Variants in SEC14L1 observed in about 807,000 individuals in gnomAD.
SEC14L1 encodes the protein SEC14-like protein 1.
In SEC14L1, 48 loss-of-function variants were observed where a neutral mutation model predicts 85.3. That is an observed-to-expected ratio of 0.56 (90% CI 0.45 to 0.72). SEC14L1 has a LOEUF of 0.72. Ranked by LOEUF, SEC14L1 falls within the 30% of genes least tolerant of loss-of-function variation. The pLI is 0.00. For missense variants in SEC14L1, 682 were observed against 921.4 expected, an observed-to-expected ratio of 0.74 and a Z score of 3.36; for synonymous variants, 391 against 355.5, an observed-to-expected ratio of 1.10 and a Z score of -1.12.
chr17:77,134,713 C>T (rs759980720), intron 3 of SEC14L1, among the ~76,000 whole-genome samples: 2 of 152,084 alleles, frequency 1.3e-5, no homozygotes, highest in East Asian at 1.9e-4. Context: ...CCTGGGTGAC[C>T]GAGCAAAACT....
intron 13 of SEC14L1, 80 bp from the exon 14 acceptor site, chr17:77,209,261 GA>G: frequency 1.9e-6 from 3 of 1,540,228 alleles, no homozygotes; most frequent in Non-Finnish European, 2.7e-6. Context: ...AGTGCAGGGG[GA>G]TAGTGCTGGC....
At position 77,215,456 on chromosome 17, in the gene SEC14L1, C is replaced by G. The variant is rs1036848706; in HGVS notation, c.*1433C>G. The G allele has an allele frequency of 1.3e-5, 13 of 985,566 alleles. No homozygotes were observed. The highest frequency in any genetic ancestry group is 1.6e-5 in the Non-Finnish European group (13 of 830,044). 61.1% of individuals were successfully genotyped at this position (985,566 alleles called of 1,614,324 possible). On this transcript the variant is annotated 3_prime_UTR_variant, in exon 17 of 17. Coordinates refer to ENST00000436233, the MANE Select transcript of SEC14L1 (RefSeq NM_001143998.2). The stretch of plus-strand genomic sequence containing the variant: ...AGATCCTGGTTGTGCCGTCTCAGCT[C>G]CGCTCTGAAGGCACTGTGTGGGTGC...
rs1254638220 is a variant in SEC14L1 at position 77,198,576 on chromosome 17, CTTTT to C, written c.820-1895_820-1892del. 1.1e-3 allele frequency among the ~76,000 whole-genome samples: 161 copies of C among 141,868 alleles called. 1 individual carries two copies. Among genetic ancestry groups the C allele is most frequent in the African/African-American group, 3.6e-3 (140 of 38,882 alleles). The allele number at this position is 141,868 out of a possible 152,430, so 93.1% of individuals were successfully genotyped here. A position where few individuals can be genotyped will look rare whatever the true frequency, so the allele number is the denominator to read the frequency against. The stretch of plus-strand genomic sequence containing the variant: ...ATCTGAATTCTGGTGTATGAGATCT[CTTTT>C]TTTTTTTTTTTTGAGACGGAGTCTC... On this transcript the variant is annotated intron_variant, in intron 8 of 16. Transcript: ENST00000436233.
intron 3 of SEC14L1, among the ~76,000 whole-genome samples, chr17:77,126,297 A>G (rs1191939660): frequency 6.6e-6 from 1 of 152,268 alleles, no homozygotes; most frequent in African/African-American, 2.4e-5. Flanking sequence ...GATGAAGATC[A>G]TCGTGATGCT....
chr17:77,091,529 C>A (rs1971516879), intron 2 of SEC14L1, among the ~76,000 whole-genome samples: 1 of 152,182 alleles, frequency 6.6e-6, no homozygotes, highest in South Asian at 2.1e-4. Flanking sequence ...TTTATGCTAT[C>A]CAGAGCAGCC....
chr17:77,203,505 T>TA, intron 9 of SEC14L1, 65 bp from the exon 10 acceptor site: 1 of 1,383,910 alleles, frequency 7.2e-7, no homozygotes, highest in Non-Finnish European at 1.0e-6. Flanking sequence ...TTAAGGGTCT[T>TA]AGAGTTGTAT....
At chr17:77,152,913 C>T (rs72882061) in intron 3 of SEC14L1, among the ~76,000 whole-genome samples, 12,747 of 152,072 alleles carry the variant, frequency 0.084, 747 homozygotes, top group Non-Finnish European at 0.12. Flanking sequence ...CCTTTCATGC[C>T]ATTGATTTGT....
chr17:77,128,365 A>G (rs1205415582), intron 3 of SEC14L1, among the ~76,000 whole-genome samples: 1 of 135,070 alleles, frequency 7.4e-6, no homozygotes, highest in Non-Finnish European at 1.7e-5. Flanking sequence ...GCCTTTTAGG[A>G]CAAGTTATGC....
At chr17:77,123,690 G>A (rs879801792) in intron 3 of SEC14L1, among the ~76,000 whole-genome samples, 1 of 151,694 alleles carries the variant, frequency 6.6e-6, no homozygotes, top group Admixed American at 6.6e-5. Flanking sequence ...TGGGATTACA[G>A]GCGAGAGCCA....
intron 3 of SEC14L1, among the ~76,000 whole-genome samples, chr17:77,134,623 T>C (rs1255366415): frequency 6.6e-6 from 1 of 152,174 alleles, no homozygotes; most frequent in Non-Finnish European, 1.5e-5. Context: ...TCCCAGCTAC[T>C]TGAGAAGCTG....
chr17:77,163,795 C>T (rs868255560), intron 3 of SEC14L1, among the ~76,000 whole-genome samples: 4 of 152,134 alleles, frequency 2.6e-5, no homozygotes, highest in Non-Finnish European at 4.4e-5. Context: ...TCGCACATAC[C>T]GAAGAGCACC....
chr17:77,089,002 C>G (rs1971438982), intron 1 of SEC14L1: 1 of 160,982 alleles, frequency 6.2e-6, no homozygotes, highest in African/African-American at 2.4e-5. Flanking sequence ...ACACAGCCAC[C>G]GAAATTGGAA....
chr17:77,154,515 G>A (rs1215754263), intron 3 of SEC14L1, among the ~76,000 whole-genome samples: 1 of 152,120 alleles, frequency 6.6e-6, no homozygotes, highest in African/African-American at 2.4e-5. Flanking sequence ...AAATGTAAAT[G>A]CCACTCCATT....
chr17:77,143,613 A>G lies in SEC14L1; in HGVS notation c.17A>G (p.Gln6Arg), dbSNP rs1326636998. 1 of 1,613,564 alleles carries G rather than the reference A, an allele frequency of 6.2e-7. No individual in the cohort carries two copies. The highest frequency in any genetic ancestry group is 8.5e-7 in the Non-Finnish European group (1 of 1,179,584). ...ATTGCAATCATGGTGCAGAAATACC[A>G]GTCCCCAGTGAGGGTGTACAAATAC... is the stretch of plus-strand genomic sequence containing the variant. MVQKY[Q>R]SPVRVYKYPF... is the part of the protein sequence containing the mutation. The change falls in exon 3 of 17, where the codon CAG (glutamine) becomes CGG (arginine). Residue 6 changes from glutamine to arginine, a missense_variant. By Grantham distance (43) the Gln-to-Arg change is conservative. Around this residue, in one of 3 missense-constraint regions of SEC14L1, gnomAD observed 139 missense variants for 201.3 expected, o/e 0.69. Transcript: ENST00000436233.
Position 77,200,679 on chromosome 17 carries a change from G to A in SEC14L1, c.1009+6G>A, listed in dbSNP as rs77908442. 1,735 of 1,608,652 alleles carry A rather than the reference G, an allele frequency of 1.1e-3. 15 individuals are homozygous for A. The African/African-American group carries it at 0.02, about 19-fold the overall frequency. On this transcript the variant is annotated splice_donor_region_variant and intron_variant, in intron 9 of 16. Coordinates refer to ENST00000436233, the MANE Select transcript of SEC14L1 (RefSeq NM_001143998.2). ...CTGGCATCATCACGACAAAGGTACC[G>A]GATGGAGTTGAAACTGTGTTTCCAT...
chr17:77,201,841 A>G (rs981049912), intron 9 of SEC14L1, among the ~76,000 whole-genome samples: 29 of 152,190 alleles, frequency 1.9e-4, no homozygotes, highest in African/African-American at 6.8e-4. Context: ...TTTTGCTTTA[A>G]GTAGACCAGG....
chr17:77,104,987 G>A (rs895715908), intron 3 of SEC14L1, among the ~76,000 whole-genome samples: 1 of 151,916 alleles, frequency 6.6e-6, no homozygotes, highest in Non-Finnish European at 1.5e-5. Context: ...TCGGTCTCTG[G>A]AAAGCCAGGA....
rs1977000929 is a variant in SEC14L1, at chr17:77,215,670, C to T, written c.*1647C>T. Reference sequence around the variant, plus strand: ...CACATTTGTGTTTGCTCTTAGAGATCGAGCTCCTCAGTGGTACCTGAAGCC... The same window carrying T: ...CACATTTGTGTTTGCTCTTAGAGATTGAGCTCCTCAGTGGTACCTGAAGCC... On this transcript the variant is annotated 3_prime_UTR_variant, in exon 17 of 17. Transcript: ENST00000436233. The T allele has an allele frequency of 9.1e-6, 9 of 991,998 alleles. No individual in the cohort carries two copies. Among genetic ancestry groups the T allele is most frequent in the Non-Finnish European group, 1.1e-5 (9 of 833,082 alleles). 61.4% of individuals were successfully genotyped at this position (991,998 alleles called of 1,614,324 possible).
Position 77,213,598 on chromosome 17 carries a change from G to T in SEC14L1, c.2042+106G>T. The T allele has an allele frequency of 7.3e-7, 1 of 1,371,664 alleles. No homozygotes were observed. The highest frequency in any genetic ancestry group is 1.2e-5 in the South Asian group (1 of 82,834). The allele number at this position is 1,371,664 out of a possible 1,614,324, so 85.0% of individuals were successfully genotyped here. ...GGATCAGCAGTGGCGGCGGGTGTCA[G>T]GAATGCTTGGAGGGCCAGGAGGGAG... On this transcript the variant is annotated intron_variant, in intron 16 of 16. Coordinates refer to ENST00000436233, the MANE Select transcript of SEC14L1 (RefSeq NM_001143998.2). The surrounding 1 kb of genome is among the most constrained non-coding windows in gnomAD (Gnocchi z 7.1).
Sources: allele counts gnomAD v4.1 joint callset (sites outside exome capture counted in the v4.1 genomes callset), GRCh38; gene constraint gnomAD v4.1.1; regional missense constraint gnomAD v4.1.1; non-coding constraint Gnocchi (gnomAD v3.1); transcripts MANE v1.5; gene names NCBI Gene and HGNC (gene_info 2026-07-23, HGNC 2026-07-21).